The following GRIP1 variants were observed in gnomAD, a reference collection of about 807,000 sequenced individuals.
GRIP1 encodes glutamate receptor-interacting protein 1.
GRIP1 carries 45 observed loss-of-function variants against 129.9 expected under a neutral mutation model. That is an observed-to-expected ratio of 0.35 (90% confidence interval 0.27 to 0.44). GRIP1 has a LOEUF of 0.44. Among genes scored for constraint, GRIP1 ranks in the 20% least tolerant of loss-of-function variants. The probability of loss-of-function intolerance (pLI) is 1.00; values close to 1 mark genes in which losing one functional copy is unlikely to be tolerated. For missense variants in GRIP1, 1,196 were observed against 1,396.8 expected (o/e 0.86, Z 2.29); for synonymous variants, 530 against 520.8 (o/e 1.02, Z -0.24).
At chr12:66,966,583 T>C (rs1255668067) in intron 1 of GRIP1, among the ~76,000 whole-genome samples, 5 of 152,216 alleles carry the variant, frequency 3.3e-5, no homozygotes, top group Non-Finnish European at 7.3e-5. Context: ...AGCTGTCATG[T>C]TTCCTTACGG....
chr12:66,840,860 T>C (rs1243795034), intron 1 of GRIP1, among the ~76,000 whole-genome samples: 2 of 152,192 alleles, frequency 1.3e-5, no homozygotes, highest in Non-Finnish European at 2.9e-5. Context: ...GAGCCTCTTT[T>C]TGTTTTTAAA....
chr12:66,617,989 C>A (rs1410276474), intron 1 of GRIP1, among the ~76,000 whole-genome samples: 3 of 152,002 alleles, frequency 2.0e-5, no homozygotes, highest in Middle Eastern at 3.2e-3. Context: ...CATGCATATA[C>A]CATTTGACCC....
chr12:66,464,724 G>A (rs770039223), intron 8 of GRIP1, among the ~76,000 whole-genome samples: 22 of 151,994 alleles, frequency 1.4e-4, no homozygotes, highest in Non-Finnish European at 2.8e-4. Context: ...GACGTGAAGT[G>A]ACATCATGGG....
chr12:66,576,886 G>T (rs35544210), intron 2 of GRIP1, among the ~76,000 whole-genome samples: 37,260 of 152,102 alleles, frequency 0.24, 4,703 homozygotes, highest in Admixed American at 0.28. Flanking sequence ...ACCTGTATGT[G>T]TTAGTTGATG....
intron 3 of GRIP1, among the ~76,000 whole-genome samples, chr12:66,541,340 G>T (rs903087): frequency 6.6e-6 from 1 of 152,050 alleles, no homozygotes; most frequent in African/African-American, 2.4e-5. Context: ...GAAAAGGAGA[G>T]AGGATGTGAG....
At chr12:66,468,413 T>TA (rs2059345891) in intron 7 of GRIP1, among the ~76,000 whole-genome samples, 1 of 152,222 alleles carries the variant, frequency 6.6e-6, no homozygotes, top group Non-Finnish European at 1.5e-5. Context: ...GGGCCTTTGA[T>TA]ACAATGACTG....
chr12:66,549,888 C>A (rs183070997), intron 2 of GRIP1, among the ~76,000 whole-genome samples: 31 of 152,180 alleles, frequency 2.0e-4, no homozygotes, highest in Admixed American at 7.9e-4. Flanking sequence ...TCCTATTGCA[C>A]CTCCAAAGAA....
intron 1 of GRIP1, among the ~76,000 whole-genome samples, chr12:66,811,891 T>C (rs2039111339): frequency 6.6e-6 from 1 of 152,190 alleles, no homozygotes; most frequent in African/African-American, 2.4e-5. Context: ...ATAAATAATC[T>C]AATTTAAATT....
intron 5 of GRIP1, among the ~76,000 whole-genome samples, chr12:66,527,747 C>A (rs1382767573): frequency 6.6e-6 from 1 of 151,872 alleles, no homozygotes; most frequent in Non-Finnish European, 1.5e-5. Context: ...TAAGTGGGTG[C>A]TAAGCATTGA....
At chr12:66,777,087 C>T (rs1170725445) in intron 1 of GRIP1, among the ~76,000 whole-genome samples, 1 of 152,158 alleles carries the variant, frequency 6.6e-6, no homozygotes, top group Non-Finnish European at 1.5e-5. Context: ...CCACAGGATG[C>T]TTTGTGGCTG....
chr12:66,651,863 A>G (rs1435415326), intron 1 of GRIP1, among the ~76,000 whole-genome samples: 2 of 152,254 alleles, frequency 1.3e-5, no homozygotes, highest in South Asian at 2.1e-4. Flanking sequence ...AAATACTAGA[A>G]TGAAGAAGGG....
intron 4 of GRIP1, among the ~76,000 whole-genome samples, chr12:66,535,046 A>G (rs2061566347): frequency 6.6e-6 from 1 of 152,020 alleles, no homozygotes; most frequent in African/African-American, 2.4e-5. Flanking sequence ...CTGGGCTGTC[A>G]TCTTCCCTTC....
chr12:66,663,162 T>C (rs1017815119), intron 1 of GRIP1, among the ~76,000 whole-genome samples: 2 of 152,010 alleles, frequency 1.3e-5, no homozygotes, highest in Non-Finnish European at 2.9e-5. Context: ...TCATTCTTTA[T>C]GTCATTGTTT....
chr12:66,696,442 T>C (rs975836487), intron 1 of GRIP1, among the ~76,000 whole-genome samples: 4 of 151,976 alleles, frequency 2.6e-5, no homozygotes, highest in South Asian at 4.2e-4. Context: ...ACAAAGAGAA[T>C]GAGTTAGAGA....
intron 1 of GRIP1, among the ~76,000 whole-genome samples, chr12:66,655,595 GT>G (rs1256281200): frequency 3.6e-5 from 5 of 138,508 alleles, no homozygotes; most frequent in African/African-American, 8.0e-5. Context: ...TTTTTTTGCA[GT>G]TTTTTTGTAC....
At chr12:66,916,388 A>C (rs974309655) in intron 1 of GRIP1, among the ~76,000 whole-genome samples, 4 of 152,086 alleles carry the variant, frequency 2.6e-5, no homozygotes, top group African/African-American at 9.7e-5. Flanking sequence ...TTCCGCCCAC[A>C]CACAGTTTAT....
chr12:66,645,085 G>T (rs1164308642), intron 1 of GRIP1, among the ~76,000 whole-genome samples: 2 of 152,096 alleles, frequency 1.3e-5, no homozygotes, highest in Admixed American at 1.3e-4. Flanking sequence ...CCCAGTTTTA[G>T]TTTTATCATG....
At chr12:66,675,402 T>A (rs2034279675) in intron 1 of GRIP1, among the ~76,000 whole-genome samples, 1 of 151,998 alleles carries the variant, frequency 6.6e-6, no homozygotes, top group South Asian at 2.1e-4. Context: ...ACATCCCATA[T>A]CACCAGAGAA....
chr12:66,599,688 C>T (rs531349845), intron 1 of GRIP1, among the ~76,000 whole-genome samples: 3 of 152,242 alleles, frequency 2.0e-5, no homozygotes, highest in South Asian at 2.1e-4. Context: ...AACCCTTGAG[C>T]GTAAAGTCAT....
Sources: gnomAD v4.1 joint callset for allele counts (sites outside exome capture counted in the v4.1 genomes callset) on GRCh38, gnomAD v4.1.1 for gene constraint, MANE v1.5 for transcripts, NCBI Gene and HGNC (gene_info 2026-07-23, HGNC 2026-07-21) for gene names.